The following SUPT3H variants were observed in gnomAD, a reference collection of about 807,000 sequenced individuals.
SUPT3H encodes the protein SPT3 homolog, SAGA and STAGA complex component, also known as transcription initiation protein SPT3 homolog.
Under a neutral mutation model 44.3 loss-of-function variants are expected in SUPT3H, and 44 were observed. The ratio of observed to expected loss-of-function variants is 0.99; its 90% CI spans 0.78 to 1.28. The LOEUF is 1.28. SUPT3H is among the 50% of genes most tolerant of loss of function. The pLI is 0.00. For synonymous variants in SUPT3H, 124 were observed against 125.6 expected (o/e 0.99, Z 0.09); for missense variants, 380 against 387.1 (o/e 0.98, Z 0.15).
chr6:44,972,576 C>A (rs912604584), intron 6 of SUPT3H, among the ~76,000 whole-genome samples: 14 of 152,174 alleles, frequency 9.2e-5, no homozygotes, highest in Non-Finnish European at 1.8e-4. Flanking sequence ...TAGGCAGTGC[C>A]CCAGTAGGGA....
At chr6:45,092,518 G>C (rs1036355584) in intron 3 of SUPT3H, among the ~76,000 whole-genome samples, 17 of 152,078 alleles carry the variant, frequency 1.1e-4, no homozygotes, top group Admixed American at 5.9e-4. Flanking sequence ...GGGAGGCTGA[G>C]GCGGGTGGAT....
At chr6:45,278,476 T>C (rs192519330) in intron 2 of SUPT3H, among the ~76,000 whole-genome samples, 223 of 152,238 alleles carry the variant, frequency 1.5e-3, no homozygotes, top group Non-Finnish European at 2.3e-3. Context: ...TGGGAATGTG[T>C]AATCCAAAAA....
chr6:45,101,806 C>CA (rs1160898591), intron 3 of SUPT3H, among the ~76,000 whole-genome samples: 51 of 150,044 alleles, frequency 3.4e-4, no homozygotes, highest in African/African-American at 9.0e-4. Flanking sequence ...TAATAAAAAA[C>CA]AAAAAAAAAC....
At chr6:45,057,117 T>C (rs148668202) in intron 3 of SUPT3H, among the ~76,000 whole-genome samples, 7 of 152,244 alleles carry the variant, frequency 4.6e-5, no homozygotes, top group African/African-American at 1.7e-4. Flanking sequence ...TAACATGAGA[T>C]ATACCTTAGG....
chr6:45,361,402 ACT>A (rs1175454090), intron 2 of SUPT3H, among the ~76,000 whole-genome samples: 1 of 152,202 alleles, frequency 6.6e-6, no homozygotes, highest in Non-Finnish European at 1.5e-5. Context: ...CAGGCCTGTA[ACT>A]CTGAAAAAGT....
chr6:45,157,783 G>A (rs183269782), intron 2 of SUPT3H, among the ~76,000 whole-genome samples: 233 of 151,484 alleles, frequency 1.5e-3, no homozygotes, highest in Admixed American at 2.7e-3. Flanking sequence ...TCCTGACCTC[G>A]TGATCCGCCT....
intron 5 of SUPT3H, among the ~76,000 whole-genome samples, chr6:45,010,343 C>G (rs1398345866): frequency 6.6e-6 from 1 of 152,038 alleles, no homozygotes; most frequent in Admixed American, 6.6e-5. Context: ...TCTGACTAAA[C>G]ACCTGGCTAA....
At chr6:44,962,880 C>A (rs898437192) in intron 6 of SUPT3H, among the ~76,000 whole-genome samples, 39 of 151,914 alleles carry the variant, frequency 2.6e-4, no homozygotes, top group African/African-American at 9.4e-4. Flanking sequence ...TTTTCCCCTT[C>A]CTTATTTTCT....
chr6:44,891,378 A>C (rs1263984165), intron 10 of SUPT3H, among the ~76,000 whole-genome samples: 1 of 152,182 alleles, frequency 6.6e-6, no homozygotes, highest in Admixed American at 6.6e-5. Flanking sequence ...GAATCAATTG[A>C]CTAAAACAAA....
intron 3 of SUPT3H, among the ~76,000 whole-genome samples, chr6:45,102,726 A>G (rs549786934): frequency 3.6e-4 from 54 of 152,062 alleles, no homozygotes; most frequent in Non-Finnish European, 6.8e-4. Flanking sequence ...CAGATCCCTC[A>G]GGTCAGGTGT....
At chr6:45,328,379 C>T in intron 2 of SUPT3H, 1 of 1,392,402 alleles carries the variant, frequency 7.2e-7, no homozygotes, top group Non-Finnish European at 9.6e-7. Flanking sequence ...CAAACTTTCT[C>T]CAGGAGGACA....
chr6:44,842,416 T>C (rs1771089110), intron 10 of SUPT3H, among the ~76,000 whole-genome samples: 1 of 152,142 alleles, frequency 6.6e-6, no homozygotes, highest in Non-Finnish European at 1.5e-5. Context: ...ATAATGTTTA[T>C]TAACATTTAT....
At chr6:45,172,898 T>G (rs1167319169) in intron 2 of SUPT3H, among the ~76,000 whole-genome samples, 1 of 152,174 alleles carries the variant, frequency 6.6e-6, no homozygotes, top group Admixed American at 6.5e-5. Flanking sequence ...CCCAGATATT[T>G]TTAAAAATTC....
At chr6:45,282,787 A>G (rs1361920304) in intron 2 of SUPT3H, among the ~76,000 whole-genome samples, 1 of 152,232 alleles carries the variant, frequency 6.6e-6, no homozygotes, top group Non-Finnish European at 1.5e-5. Flanking sequence ...TAATTGTCAG[A>G]TTCACCAAAG....
At chr6:45,241,689 C>A (rs1420349362) in intron 2 of SUPT3H, among the ~76,000 whole-genome samples, 1 of 152,036 alleles carries the variant, frequency 6.6e-6, no homozygotes, top group Non-Finnish European at 1.5e-5. Flanking sequence ...CACGATCAAG[C>A]TGGTCTCAGC....
chr6:45,014,137 T>G (rs1024805925), intron 5 of SUPT3H, among the ~76,000 whole-genome samples: 1 of 152,226 alleles, frequency 6.6e-6, no homozygotes, highest in Non-Finnish European at 1.5e-5. Flanking sequence ...TTTTACTTTA[T>G]AATTTCTATC....
intron 2 of SUPT3H, among the ~76,000 whole-genome samples, chr6:45,165,808 G>C (rs1011025790): frequency 6.6e-6 from 1 of 151,638 alleles, no homozygotes; most frequent in South Asian, 2.1e-4. Flanking sequence ...ATAAACAAAG[G>C]GGAAAAAAAA....
intron 3 of SUPT3H, 26 bp from the exon 4 acceptor site, chr6:45,020,658 T>A: frequency 6.4e-7 from 1 of 1,570,884 alleles, no homozygotes; most frequent in Non-Finnish European, 8.7e-7. Context: ...ATTTAGAAAT[T>A]TTTCTCAGTA....
chr6:45,207,976 T>G (rs1763454747), intron 2 of SUPT3H, among the ~76,000 whole-genome samples: 1 of 152,186 alleles, frequency 6.6e-6, no homozygotes, highest in South Asian at 2.1e-4. Context: ...GAATTAAGCT[T>G]AGTTAAGAAG....
Sources: allele counts gnomAD v4.1 joint callset (sites outside exome capture counted in the v4.1 genomes callset), GRCh38; gene constraint gnomAD v4.1.1; transcripts MANE v1.5; gene names NCBI Gene and HGNC (gene_info 2026-07-23, HGNC 2026-07-21).